Variants in PCLO observed in about 807,000 individuals in gnomAD.
The protein encoded by PCLO is piccolo presynaptic cytomatrix protein.
A neutral mutation model predicts 427.5 loss-of-function variants in PCLO; 82 were observed. The ratio of observed to expected loss-of-function variants is 0.19; its 90% CI spans 0.16 to 0.23. The LOEUF is 0.23. Ranked by LOEUF, PCLO falls within the 10% of genes least tolerant of loss-of-function variation. The pLI is 1.00. For missense variants in PCLO, 6,239 were observed against 6,115.9 expected (o/e 1.02, Z -0.67); for synonymous variants, 2,357 against 2,155.4 (o/e 1.09, Z -2.59).
At chr7:82,874,433 C>T (rs1328852720) in intron 10 of PCLO, among the ~76,000 whole-genome samples, 1 of 152,062 alleles carries the variant, frequency 6.6e-6, no homozygotes, top group African/African-American at 2.4e-5. Context: ...TGAATCTGGT[C>T]TGTATCGGAG....
chr7:82,864,704 G>A (rs1793049837), intron 10 of PCLO, among the ~76,000 whole-genome samples: 1 of 151,960 alleles, frequency 6.6e-6, no homozygotes, highest in Non-Finnish European at 1.5e-5. Flanking sequence ...ATTCAGTTAT[G>A]TAATTGCCTC....
At chr7:83,077,313 G>A (rs536436545) in intron 3 of PCLO, among the ~76,000 whole-genome samples, 1 of 152,154 alleles carries the variant, frequency 6.6e-6, no homozygotes, top group East Asian at 1.9e-4. Flanking sequence ...AAGGCAAAGG[G>A]CTCGTTCTTA....
intron 2 of PCLO, among the ~76,000 whole-genome samples, chr7:83,136,248 C>G (rs987017651): frequency 6.6e-6 from 1 of 151,630 alleles, no homozygotes; most frequent in Non-Finnish European, 1.5e-5. Flanking sequence ...TTTGATTATC[C>G]CCAGAAATAG....
intron 3 of PCLO, among the ~76,000 whole-genome samples, chr7:83,077,443 T>C (rs919133689): frequency 6.6e-6 from 1 of 152,122 alleles, no homozygotes; most frequent in East Asian, 1.9e-4. Flanking sequence ...TTGTAGTAGT[T>C]GTTGCTGTTG....
At chr7:82,784,872 C>A (rs528724585) in intron 22 of PCLO, among the ~76,000 whole-genome samples, 5 of 152,012 alleles carry the variant, frequency 3.3e-5, no homozygotes, top group East Asian at 1.9e-4. Context: ...TAATTTTTTT[C>A]TGACAGTTGC....
At chr7:83,075,019 A>C (rs1265391958) in intron 3 of PCLO, among the ~76,000 whole-genome samples, 1 of 152,096 alleles carries the variant, frequency 6.6e-6, no homozygotes, top group Non-Finnish European at 1.5e-5. Context: ...CAATCCAATA[A>C]ACAGTTGAAT....
rs531599145 is a variant in PCLO, at chr7:83,086,494, A to T, written c.3300+47756T>A. Among the ~76,000 whole-genome samples, 7 of 152,294 alleles carry T rather than the reference A, an allele frequency of 4.6e-5. 1 individual carries two copies. Among genetic ancestry groups the T allele is most frequent in the African/African-American group, 1.7e-4 (7 of 41,566 alleles). ...TAAAACCATGCCAAGTTGGAAAAAA[A>T]AAACATTTCCTAAGATAGAGGTCTA... On this transcript the variant is annotated intron_variant, in intron 3 of 24. Transcript: ENST00000333891.
chr7:82,773,226 A>C (rs1790681804), intron 22 of PCLO, among the ~76,000 whole-genome samples: 1 of 152,192 alleles, frequency 6.6e-6, no homozygotes, highest in African/African-American at 2.4e-5. Flanking sequence ...TTTAGAAAAT[A>C]AAACCAGAAA....
chr7:82,958,546 T>C (rs1346008227), intron 4 of PCLO, among the ~76,000 whole-genome samples: 3 of 152,182 alleles, frequency 2.0e-5, no homozygotes, highest in Non-Finnish European at 4.4e-5. Context: ...TAAAATGATT[T>C]TGCTGAATTT....
chr7:82,827,398 T>C (rs1292165644), intron 17 of PCLO, among the ~76,000 whole-genome samples: 1 of 152,056 alleles, frequency 6.6e-6, no homozygotes, highest in African/African-American at 2.4e-5. Context: ...CTGTAGAGAT[T>C]AGCACCACAA....
chr7:82,880,892 A>G (rs144676476), intron 9 of PCLO, among the ~76,000 whole-genome samples: 27 of 152,362 alleles, frequency 1.8e-4, no homozygotes, highest in East Asian at 5.8e-4. Flanking sequence ...AATTCCTTCT[A>G]TAGTAACAAA....
At chr7:83,091,679 A>G (rs1357793280) in intron 3 of PCLO, among the ~76,000 whole-genome samples, 1 of 152,160 alleles carries the variant, frequency 6.6e-6, no homozygotes, top group Non-Finnish European at 1.5e-5. Context: ...TTTGCTTATA[A>G]TAAATGTTCA....
intron 3 of PCLO, among the ~76,000 whole-genome samples, chr7:82,989,464 T>C (rs906673552): frequency 6.6e-6 from 1 of 152,120 alleles, no homozygotes; most frequent in East Asian, 1.9e-4. Context: ...CTTAAAAGTA[T>C]ATAATTGATT....
intron 22 of PCLO, among the ~76,000 whole-genome samples, chr7:82,798,802 T>A (rs1471635128): frequency 6.6e-6 from 1 of 152,168 alleles, no homozygotes; most frequent in Non-Finnish European, 1.5e-5. Flanking sequence ...AAACAACTTG[T>A]CCAAAATGTT....
At chr7:83,081,966 A>G (rs977826260) in intron 3 of PCLO, among the ~76,000 whole-genome samples, 2 of 151,766 alleles carry the variant, frequency 1.3e-5, no homozygotes, top group African/African-American at 4.8e-5. Flanking sequence ...ATTAATGTAT[A>G]TATTTTACCA....
At chr7:83,082,183 A>T (rs1333664760) in intron 3 of PCLO, among the ~76,000 whole-genome samples, 2 of 151,496 alleles carry the variant, frequency 1.3e-5, no homozygotes, top group Non-Finnish European at 3.0e-5. Context: ...TCATACGGGG[A>T]ATGATTTGTT....
chr7:82,859,511 T>C (rs1181274514), intron 10 of PCLO, among the ~76,000 whole-genome samples: 1 of 152,220 alleles, frequency 6.6e-6, no homozygotes, highest in Non-Finnish European at 1.5e-5. Flanking sequence ...ACCAAGGTTG[T>C]ACCTTTACAA....
chr7:82,872,135 A>C (rs1793252780), intron 10 of PCLO, among the ~76,000 whole-genome samples: 1 of 152,032 alleles, frequency 6.6e-6, no homozygotes, highest in African/African-American at 2.4e-5. Context: ...TTAAAACTTC[A>C]AATTTTACAA....
rs1402428469 is a variant in PCLO at position 82,954,193 on chromosome 7, C to T, written c.6760G>A (p.Asp2254Asn). The change falls in exon 5 of 25, where the codon GAT becomes AAT. Residue 2254 changes from aspartate to asparagine, a missense_variant. Around this residue, in one of 5 missense-constraint regions of PCLO, gnomAD observed 4,677 missense variants for 4,468.4 expected, o/e 1.05. Transcript: ENST00000333891. ...SVSLDRTAPPDGRASADHIVI... is the reference protein window; with the variant it reads ...SVSLDRTAPPNGRASADHIVI... ...ATATGATCAGCACTAGCTCTACCAT[C>T]TGGTGGGGCAGTCCGATCTAAAGAT... The T allele has an allele frequency of 6.2e-7, 1 of 1,613,374 alleles. No homozygotes were observed. Among genetic ancestry groups the T allele is most frequent in the Non-Finnish European group, 8.5e-7 (1 of 1,179,556 alleles).
Sources: allele counts gnomAD v4.1 joint callset (sites outside exome capture counted in the v4.1 genomes callset), GRCh38; gene constraint gnomAD v4.1.1; regional missense constraint gnomAD v4.1.1; transcripts MANE v1.5; gene names NCBI Gene and HGNC (gene_info 2026-07-23, HGNC 2026-07-21).